The following SLC4A8 variants were observed in gnomAD, a reference collection of about 807,000 sequenced individuals.
The protein encoded by SLC4A8 is electroneutral sodium bicarbonate exchanger 1.
SLC4A8 carries 40 observed loss-of-function variants against 125.0 expected under a neutral mutation model. The observed-to-expected ratio is 0.32, with a 90% CI of 0.25 to 0.42. The LOEUF is 0.42. SLC4A8 is among the 10% of genes least tolerant of loss of function. The pLI, the probability that SLC4A8 is intolerant of heterozygous loss-of-function variation, is 1.00. For synonymous variants in SLC4A8, 456 were observed against 476.0 expected, an observed-to-expected ratio of 0.96 and a Z score of 0.55; for missense variants, 863 against 1,355.1, an observed-to-expected ratio of 0.64 and a Z score of 5.70.
chr12:51,438,314 C>G (rs975893168), intron 1 of SLC4A8, among the ~76,000 whole-genome samples: 2 of 152,158 alleles, frequency 1.3e-5, no homozygotes, highest in Non-Finnish European at 2.9e-5. Flanking sequence ...AATATTCTCT[C>G]TTATACTTCT....
chr12:51,461,683 A>T (rs1950328680), intron 9 of SLC4A8: 1 of 207,456 alleles, frequency 4.8e-6, no homozygotes, highest in African/African-American at 2.4e-5. Flanking sequence ...GTATAAGGTC[A>T]TGGGTGTGAC....
At chr12:51,502,669 G>A (rs964592824) in intron 22 of SLC4A8, among the ~76,000 whole-genome samples, 2 of 151,676 alleles carry the variant, frequency 1.3e-5, no homozygotes, top group African/African-American at 4.8e-5. Context: ...ACATCAGTCA[G>A]AATTACTATT....
Position 51,469,671 on chromosome 12 carries a change from C to T in SLC4A8, c.1407C>T (p.Asp469=). Residue 469 remains aspartate, a synonymous_variant, in exon 12 of 25, where the codon GAC becomes GAT. Transcript: ENST00000453097. The part of the protein sequence containing the change: ...IKRKAPWYWS[D]YRDALSLQCL... ...GGAAGGCCCCCTGGTACTGGAGCGA[C>T]TACCGAGATGCACTCAGCTTACAGT... is the stretch of plus-strand genomic sequence containing the variant. 6.2e-7 allele frequency: 1 copy of T among 1,614,056 alleles called. No homozygotes were observed.
At chr12:51,392,579 A>C (rs1210175851) in intron 1 of SLC4A8, among the ~76,000 whole-genome samples, 2 of 151,014 alleles carry the variant, frequency 1.3e-5, no homozygotes, top group Non-Finnish European at 3.0e-5. Context: ...ATCAAAAAAA[A>C]AAAAAAAGAA....
rs1225287841 is a variant in SLC4A8, at chr12:51,508,940, T to G, written c.*1502T>G. 1 of 152,626 alleles carries G rather than the reference T, an allele frequency of 6.6e-6. No homozygotes were observed. The highest frequency in any genetic ancestry group is 1.5e-5 in the Non-Finnish European group (1 of 68,042). The allele number at this position is 152,626 out of a possible 1,614,324, so 9.5% of individuals were successfully genotyped here. On this transcript the variant is annotated 3_prime_UTR_variant, in exon 25 of 25. Transcript: ENST00000453097. ...TCCTTAGACTTTTAAAATATACTAATGTATTCTAGTCTTACTCTAAAGACC... is the reference window on the plus strand; with the variant it reads ...TCCTTAGACTTTTAAAATATACTAAGGTATTCTAGTCTTACTCTAAAGACC...
intron 11 of SLC4A8, among the ~76,000 whole-genome samples, chr12:51,466,992 G>A (rs1001748662): frequency 6.6e-6 from 1 of 151,838 alleles, no homozygotes; most frequent in Non-Finnish European, 1.5e-5. Flanking sequence ...TGTGTAGGGG[G>A]TCACTATTAT....
chr12:51,414,997 C>T (rs7954659), intron 1 of SLC4A8, among the ~76,000 whole-genome samples: 59,491 of 152,046 alleles, frequency 0.39, 12,229 homozygotes, highest in Non-Finnish European at 0.45. Flanking sequence ...TGCATCCCTG[C>T]GATAAATCCC....
chr12:51,491,473 G>A (rs1951315104), intron 19 of SLC4A8, among the ~76,000 whole-genome samples: 1 of 152,116 alleles, frequency 6.6e-6, no homozygotes, highest in Non-Finnish European at 1.5e-5. Context: ...TTTCAAGAAA[G>A]AGGGATTGGG....
intron 14 of SLC4A8, 128 bp downstream of exon 14, chr12:51,471,660 C>G (rs1950704358): frequency 9.8e-7 from 1 of 1,019,318 alleles, no homozygotes; most frequent in African/African-American, 1.6e-5. Flanking sequence ...AAACGGATCT[C>G]AGATACAGAC....
intron 1 of SLC4A8, among the ~76,000 whole-genome samples, chr12:51,393,952 G>A (rs143968336): frequency 4.6e-5 from 7 of 152,300 alleles, no homozygotes; most frequent in African/African-American, 1.2e-4. Flanking sequence ...GGCACTTCCT[G>A]TGGAAGATTG....
intron 1 of SLC4A8, among the ~76,000 whole-genome samples, chr12:51,427,071 TGCGACTACAG>T (rs1949016006): frequency 6.6e-6 from 1 of 151,908 alleles, no homozygotes. Flanking sequence ...CCGGAGTAGC[TGCGACTACAG>T]GCGCCTTCCA....
At chr12:51,411,551 T>C (rs1197673657) in intron 1 of SLC4A8, among the ~76,000 whole-genome samples, 2 of 152,068 alleles carry the variant, frequency 1.3e-5, no homozygotes, top group Non-Finnish European at 2.9e-5. Flanking sequence ...ATTATGCCAT[T>C]GTACTCCAGC....
intron 19 of SLC4A8, among the ~76,000 whole-genome samples, chr12:51,492,144 A>T (rs922982520): frequency 3.9e-5 from 6 of 152,146 alleles, no homozygotes; most frequent in Non-Finnish European, 7.4e-5. Flanking sequence ...ACATTAAAAA[A>T]ATGTTTTGTG....
intron 1 of SLC4A8, among the ~76,000 whole-genome samples, chr12:51,417,494 G>A (rs1289499242): frequency 6.6e-6 from 1 of 151,874 alleles, no homozygotes; most frequent in African/African-American, 2.4e-5. Context: ...TTACAGGCAT[G>A]CGCCACCATG....
intron 1 of SLC4A8, among the ~76,000 whole-genome samples, chr12:51,392,466 G>C (rs963196883): frequency 1.3e-5 from 2 of 151,206 alleles, no homozygotes; most frequent in Non-Finnish European, 3.0e-5. Flanking sequence ...CCAGCTACTC[G>C]GGAGGCTGAG....
chr12:51,413,985 G>A (rs1414608994), intron 1 of SLC4A8, among the ~76,000 whole-genome samples: 1 of 152,142 alleles, frequency 6.6e-6, no homozygotes, highest in African/African-American at 2.4e-5. Context: ...TATAGGGACT[G>A]CATTGAATCT....
chr12:51,473,032 A>C (rs564103399), intron 14 of SLC4A8, among the ~76,000 whole-genome samples: 3 of 152,306 alleles, frequency 2.0e-5, no homozygotes, highest in African/African-American at 7.2e-5. Context: ...TGTTACAATC[A>C]GTGAACCTAC....
intron 14 of SLC4A8, among the ~76,000 whole-genome samples, chr12:51,473,409 A>G (rs1356283856): frequency 2.6e-5 from 4 of 152,116 alleles, no homozygotes; most frequent in African/African-American, 9.7e-5. Flanking sequence ...ATAATATTCC[A>G]TTGTCTGGAT....
chr12:51,439,645 T>G (rs148189796), intron 1 of SLC4A8, among the ~76,000 whole-genome samples: 1 of 152,088 alleles, frequency 6.6e-6, no homozygotes, highest in East Asian at 1.9e-4. Context: ...TAATATGATT[T>G]AAAGGGTTGG....
Sources: gnomAD v4.1 joint callset for allele counts (sites outside exome capture counted in the v4.1 genomes callset) on GRCh38, gnomAD v4.1.1 for gene constraint, MANE v1.5 for transcripts, NCBI Gene and HGNC (gene_info 2026-07-23, HGNC 2026-07-21) for gene names.